Variants in ERCC6 observed in about 807,000 individuals in gnomAD.
ERCC6 encodes the protein ERCC excision repair 6, chromatin remodeling factor, also known as DNA excision repair protein ERCC-6.
In ERCC6, 116 loss-of-function variants were observed where a neutral mutation model predicts 158.7. The ratio of observed to expected loss-of-function variants is 0.73; its 90% confidence interval spans 0.63 to 0.85. ERCC6 has a LOEUF of 0.85. Among genes scored for constraint, ERCC6 ranks in the 40% least tolerant of loss-of-function variants. The pLI, the probability that ERCC6 is intolerant of heterozygous loss-of-function variation, is 0.00. For missense variants in ERCC6, 1,698 were observed against 1,799.4 expected (o/e 0.94, Z 1.02); for synonymous variants, 678 against 659.3 (o/e 1.03, Z -0.43).
chr10:49,465,207 G>C (rs1436005094), intron 18 of ERCC6, among the ~76,000 whole-genome samples: 2 of 152,230 alleles, frequency 1.3e-5, no homozygotes, highest in African/African-American at 4.8e-5. Context: ...AGTCAAAGGA[G>C]ATCATTTTGG....
At chr10:49,528,754 C>A (rs55784032) in intron 3 of ERCC6, among the ~76,000 whole-genome samples, 279 of 152,280 alleles carry the variant, frequency 1.8e-3, no homozygotes, top group African/African-American at 6.3e-3. Flanking sequence ...CATGCCTGCA[C>A]CCCCATGCTC....
chr10:49,520,351 G>A (rs949170207), intron 5 of ERCC6, among the ~76,000 whole-genome samples: 2 of 152,172 alleles, frequency 1.3e-5, no homozygotes, highest in Non-Finnish European at 2.9e-5. Flanking sequence ...CCTCACTGTA[G>A]TCTGCGAGGG....
At chr10:49,480,338 T>C (rs1850955113) in intron 10 of ERCC6, among the ~76,000 whole-genome samples, 1 of 152,196 alleles carries the variant, frequency 6.6e-6, no homozygotes, top group South Asian at 2.1e-4. Context: ...CCACCCCTAC[T>C]GGACTGGAAA....
intron 6 of ERCC6, chr10:49,501,492 A>G (rs1020509648): frequency 4.6e-5 from 7 of 152,184 alleles, no homozygotes; most frequent in African/African-American, 1.7e-4. Flanking sequence ...ACAGAAGTTG[A>G]TATTTTTCTT....
At chr10:49,512,394 C>A (rs188856446) in intron 5 of ERCC6, among the ~76,000 whole-genome samples, 1 of 152,172 alleles carries the variant, frequency 6.6e-6, no homozygotes. Context: ...GCATGTTGCA[C>A]GGTTTGTCCC....
At chr10:49,467,844 C>G (rs1274455297) in intron 18 of ERCC6, among the ~76,000 whole-genome samples, 1 of 152,100 alleles carries the variant, frequency 6.6e-6, no homozygotes, top group South Asian at 2.1e-4. Flanking sequence ...ACTGGGATTA[C>G]AGGCTGAGCC....
At chr10:49,528,167 T>G (rs1361681857) in intron 4 of ERCC6, among the ~76,000 whole-genome samples, 1 of 152,254 alleles carries the variant, frequency 6.6e-6, no homozygotes, top group Non-Finnish European at 1.5e-5. Flanking sequence ...TTCCAGTGTA[T>G]TAAATGTAAT....
In ERCC6 at chr10:49,478,393, A is replaced by G; in HGVS notation, c.2247T>C (p.Asp749=). Residue 749 remains aspartate (D), a synonymous_variant, in exon 11 of 21, where the codon GAT becomes GAC. Transcript: ENST00000355832. ...CTGGCAAAGAAAGGCTCATCTTGACATCTGACTTCATTCTCCGCAGTAGGT... is the reference window on the plus strand; with the variant it reads ...CTGGCAAAGAAAGGCTCATCTTGACGTCTGACTTCATTCTCCGCAGTAGGT... ...NPYLLRRMKS[D]VKMSLSLPDK... is the part of the protein sequence containing the mutation. 6.2e-7 allele frequency: 1 copy of G among 1,613,994 alleles called. No homozygotes were observed. The highest frequency in any genetic ancestry group is 8.5e-7 in the Non-Finnish European group (1 of 1,179,852).
intron 10 of ERCC6, among the ~76,000 whole-genome samples, chr10:49,479,164 G>A (rs1206268484): frequency 6.7e-6 from 1 of 149,406 alleles, no homozygotes; most frequent in Non-Finnish European, 1.5e-5. Context: ...TTCACTTACA[G>A]GCAAAGTAGT....
chr10:49,535,195 A>G (rs1837568905), intron 1 of ERCC6, among the ~76,000 whole-genome samples: 1 of 152,212 alleles, frequency 6.6e-6, no homozygotes, highest in South Asian at 2.1e-4. Context: ...CAGTCACAAA[A>G]ATGAGACTCT....
At chr10:49,526,831 G>A (rs1400599376) in intron 4 of ERCC6, among the ~76,000 whole-genome samples, 1 of 152,088 alleles carries the variant, frequency 6.6e-6, no homozygotes, top group Non-Finnish European at 1.5e-5. Context: ...GATATAATAG[G>A]AACCAGGAAC....
chr10:49,458,842 A>C lies in ERCC6; in HGVS notation c.4455T>G (p.Ile1485Met). Residue 1485 changes from isoleucine (I) to methionine (M), a missense_variant, in exon 21 of 21, where the codon ATT (isoleucine) becomes ATG (methionine). Transcript: ENST00000355832. ...TFHRTSGGEG[I>M]WKLKPEYC ...AGCAGTATTCTGGCTTGAGTTTCCA[A>C]ATTCCTTCACCACCAGAAGTTCTAT... The C allele has an allele frequency of 6.2e-7, 1 of 1,614,192 alleles. No individual in the cohort carries two copies. Among genetic ancestry groups the C allele is most frequent in the Non-Finnish European group, 8.5e-7 (1 of 1,180,034 alleles).
At chr10:49,487,141 G>A (rs935646274) in intron 8 of ERCC6, among the ~76,000 whole-genome samples, 10 of 152,094 alleles carry the variant, frequency 6.6e-5, no homozygotes, top group African/African-American at 2.4e-4. Flanking sequence ...TAATTCAACA[G>A]AGTATAAAAG....
At chr10:49,535,547 T>C (rs1837576520) in intron 1 of ERCC6, among the ~76,000 whole-genome samples, 1 of 152,250 alleles carries the variant, frequency 6.6e-6, no homozygotes, top group South Asian at 2.1e-4. Context: ...GTGTCTGTAC[T>C]AGCTGGCAGT....
intron 16 of ERCC6, 132 bp from the exon 17 acceptor site, chr10:49,471,252 G>T: frequency 1.2e-6 from 1 of 863,756 alleles, no homozygotes; most frequent in Non-Finnish European, 1.8e-6. Context: ...CAAACTTTCA[G>T]CCTTGGAAAA....
At chr10:49,519,915 C>T (rs1462631716) in intron 5 of ERCC6, among the ~76,000 whole-genome samples, 1 of 152,148 alleles carries the variant, frequency 6.6e-6, no homozygotes, top group Non-Finnish European at 1.5e-5. Flanking sequence ...CCTCAGACTC[C>T]CCACGCTGAG....
chr10:49,524,013 T>C lies in ERCC6; in HGVS notation c.1397+20A>G, dbSNP rs780173506. 7.4e-6 allele frequency: 12 copies of C among 1,611,986 alleles called. No individual in the cohort carries two copies. Among genetic ancestry groups the C allele is most frequent in the Non-Finnish European group, 9.3e-6 (11 of 1,179,914 alleles). ...GATAAAGCAAACAGTACAATGTATTTATAATCCCCACAGACCGACCTTAAC... is the reference window on the plus strand; with the variant it reads ...GATAAAGCAAACAGTACAATGTATTCATAATCCCCACAGACCGACCTTAAC... On this transcript the variant is annotated intron_variant, in intron 5 of 20. Coordinates refer to ENST00000355832, the MANE Select transcript of ERCC6 (RefSeq NM_000124.4).
intron 5 of ERCC6, chr10:49,517,042 T>C (rs545931375): frequency 1.3e-5 from 21 of 1,613,706 alleles, no homozygotes; most frequent in Middle Eastern, 3.3e-4. Flanking sequence ...TGTATCACTA[T>C]AGCACTTGCT....
At chr10:49,508,771 G>A (rs1177077212) in intron 5 of ERCC6, among the ~76,000 whole-genome samples, 1 of 152,130 alleles carries the variant, frequency 6.6e-6, no homozygotes, top group Non-Finnish European at 1.5e-5. Flanking sequence ...CATCTGATGA[G>A]GGTCCACTGA....
Sources: gnomAD v4.1 joint callset for allele counts (sites outside exome capture counted in the v4.1 genomes callset) on GRCh38, gnomAD v4.1.1 for gene constraint, MANE v1.5 for transcripts, NCBI Gene and HGNC (gene_info 2026-07-23, HGNC 2026-07-21) for gene names.